ASIC2: variants seen among roughly 807,000 people sequenced by gnomAD.
The protein encoded by ASIC2 is acid sensing ion channel subunit 2.
Under a neutral mutation model 57.3 loss-of-function variants are expected in ASIC2, and 25 were observed. The ratio of observed to expected loss-of-function variants is 0.44; its 90% CI spans 0.32 to 0.61. The LOEUF (loss-of-function observed/expected upper bound fraction) is 0.61. Ranked by LOEUF, ASIC2 falls within the 20% of genes least tolerant of loss-of-function variation. The pLI is 0.06. For missense variants in ASIC2, 641 were observed against 738.1 expected (o/e 0.87, Z 1.52); for synonymous variants, 319 against 307.5 (o/e 1.04, Z -0.39).
At chr17:33,155,971 T>C (rs1363653342) in intron 1 of ASIC2, among the ~76,000 whole-genome samples, 1 of 152,190 alleles carries the variant, frequency 6.6e-6, no homozygotes, top group Non-Finnish European at 1.5e-5. Flanking sequence ...AGACCTACCA[T>C]GGTTTGAATT....
intron 1 of ASIC2, among the ~76,000 whole-genome samples, chr17:33,575,949 T>A (rs981062725): frequency 6.6e-6 from 1 of 152,104 alleles, no homozygotes; most frequent in African/African-American, 2.4e-5. Flanking sequence ...TGTTAACACA[T>A]GAAAATAAAA....
At chr17:34,088,476 T>C (rs1020857035) in intron 1 of ASIC2, among the ~76,000 whole-genome samples, 22 of 152,224 alleles carry the variant, frequency 1.4e-4, no homozygotes, top group African/African-American at 5.1e-4. Context: ...CCAGTTAGGC[T>C]GCTCAGGGGT....
chr17:33,277,852 G>A (rs1391413586), intron 1 of ASIC2, among the ~76,000 whole-genome samples: 1 of 152,142 alleles, frequency 6.6e-6, no homozygotes, highest in African/African-American at 2.4e-5. Context: ...CATTCCGGAG[G>A]TCAATATTTC....
chr17:33,585,282 T>C (rs1445965436), intron 1 of ASIC2, among the ~76,000 whole-genome samples: 1 of 151,972 alleles, frequency 6.6e-6, no homozygotes, highest in Non-Finnish European at 1.5e-5. Context: ...AGCCTCACTG[T>C]GTCCTTGACC....
intron 1 of ASIC2, among the ~76,000 whole-genome samples, chr17:33,308,678 G>T (rs574637727): frequency 6.6e-6 from 1 of 152,258 alleles, no homozygotes; most frequent in Admixed American, 6.5e-5. Flanking sequence ...TAATAGAAAA[G>T]AACAACTCTA....
chr17:33,862,146 A>G (rs1914117973), intron 1 of ASIC2, among the ~76,000 whole-genome samples: 1 of 152,194 alleles, frequency 6.6e-6, no homozygotes, highest in Admixed American at 6.5e-5. Context: ...CCCATCCTTC[A>G]ATGTCCAGCT....
At chr17:33,464,482 C>CTCTTTCCTTCTT (rs1912755450) in intron 1 of ASIC2, among the ~76,000 whole-genome samples, 1 of 63,598 alleles carries the variant, frequency 1.6e-5, no homozygotes, top group African/African-American at 7.0e-5. Flanking sequence ...TTTCTTTTCT[C>CTCTTTCCTTCTT]TCTTTCTTTC....
intron 1 of ASIC2, among the ~76,000 whole-genome samples, chr17:33,122,689 C>T (rs1451384259): frequency 2.0e-5 from 3 of 151,942 alleles, no homozygotes; most frequent in Non-Finnish European, 4.4e-5. Context: ...ATTTGAAATC[C>T]CCTCTTTTAG....
At chr17:33,726,757 TA>T (rs1909573523) in intron 1 of ASIC2, among the ~76,000 whole-genome samples, 2 of 152,218 alleles carry the variant, frequency 1.3e-5, no homozygotes, top group African/African-American at 4.8e-5. Flanking sequence ...CTGCTTTGAT[TA>T]AAAGATTAAA....
At chr17:33,883,570 T>C (rs1914755632) in intron 1 of ASIC2, among the ~76,000 whole-genome samples, 1 of 152,156 alleles carries the variant, frequency 6.6e-6, no homozygotes, top group South Asian at 2.1e-4. Context: ...CCCACACAGA[T>C]GAACTCCAAA....
intron 1 of ASIC2, among the ~76,000 whole-genome samples, chr17:33,976,971 C>T (rs1057140500): frequency 6.6e-6 from 1 of 152,066 alleles, no homozygotes; most frequent in Non-Finnish European, 1.5e-5. Flanking sequence ...AATTTAACCT[C>T]GTTGTGGCGA....
intron 1 of ASIC2, among the ~76,000 whole-genome samples, chr17:34,029,421 C>A (rs917000625): frequency 6.6e-6 from 1 of 151,374 alleles, no homozygotes; most frequent in Non-Finnish European, 1.5e-5. Flanking sequence ...AAGACTCTCA[C>A]TACCTTCTAA....
At chr17:33,647,840 G>A (rs971706704) in intron 1 of ASIC2, among the ~76,000 whole-genome samples, 1 of 152,180 alleles carries the variant, frequency 6.6e-6, no homozygotes, top group Admixed American at 6.5e-5. Context: ...GGAATTCTCT[G>A]GGCTACTGCT....
chr17:33,933,397 G>C lies in ASIC2; in HGVS notation c.555+222581C>G, dbSNP rs1915987774. Among the ~76,000 whole-genome samples the C allele has an allele frequency of 4.6e-5, 7 of 152,268 alleles. No individual in the cohort carries two copies. The South Asian group carries it at 1.5e-3, about 32-fold the overall frequency. ...TCTCTTTTATTCACCGCAGTGCCTGGCACATACTGGATACTCAGAGAATGC... is the reference window on the plus strand; with the variant it reads ...TCTCTTTTATTCACCGCAGTGCCTGCCACATACTGGATACTCAGAGAATGC... On this transcript the variant is annotated intron_variant, in intron 1 of 9. Coordinates refer to the ASIC2 transcript ENST00000359872.
At chr17:34,109,630 A>T (rs991258376) in intron 1 of ASIC2, among the ~76,000 whole-genome samples, 5 of 152,184 alleles carry the variant, frequency 3.3e-5, no homozygotes, top group African/African-American at 1.2e-4. Flanking sequence ...ACACCCAAAC[A>T]CATGCCCACC....
At chr17:34,063,979 C>T (rs1322832620) in intron 1 of ASIC2, among the ~76,000 whole-genome samples, 2 of 151,906 alleles carry the variant, frequency 1.3e-5, no homozygotes, top group Non-Finnish European at 2.9e-5. Flanking sequence ...CAGTGCAATC[C>T]CCCTCAGAAT....
intron 1 of ASIC2, among the ~76,000 whole-genome samples, chr17:33,600,734 T>G (rs953255109): frequency 6.6e-6 from 1 of 152,150 alleles, no homozygotes; most frequent in Non-Finnish European, 1.5e-5. Flanking sequence ...TTAAGGGCAA[T>G]TCTGGTGAGG....
At chr17:34,012,131 T>C (rs1489565070) in intron 1 of ASIC2, among the ~76,000 whole-genome samples, 3 of 152,158 alleles carry the variant, frequency 2.0e-5, no homozygotes, top group Admixed American at 6.5e-5. Context: ...TCAATCCAGA[T>C]TTCCTTCCCA....
chr17:33,996,373 G>A lies in ASIC2; in HGVS notation c.555+159605C>T, dbSNP rs140494936. On this transcript the variant is annotated intron_variant, in intron 1 of 9. Coordinates refer to the ASIC2 transcript ENST00000359872. The stretch of plus-strand genomic sequence containing the variant: ...AGTTTGATGCAATCTCGTTTGTCTA[G>A]TTTTGCTTTTGTTACCTTTGCTTTT... Among the ~76,000 whole-genome samples the A allele has an allele frequency of 2.7e-4, 41 of 152,112 alleles. No homozygotes were observed. The East Asian group carries it at 6.8e-3, about 25-fold the overall frequency.
Sources: gnomAD v4.1 joint callset for allele counts (sites outside exome capture counted in the v4.1 genomes callset) on GRCh38, gnomAD v4.1.1 for gene constraint, MANE v1.5 for transcripts, NCBI Gene and HGNC (gene_info 2026-07-23, HGNC 2026-07-21) for gene names.